Variants in SUGCT observed in about 807,000 individuals in gnomAD.
The protein encoded by SUGCT is succinyl-CoA:glutarate-CoA transferase, also known as succinyl-CoA:glutarate CoA-transferase.
SUGCT carries 41 observed loss-of-function variants against 55.0 expected under a neutral mutation model. The observed-to-expected ratio is 0.74, with a 90% CI of 0.58 to 0.97. The LOEUF (loss-of-function observed/expected upper bound fraction) is 0.97, where lower values mean the gene tolerates loss of function less well. SUGCT is among the 50% of genes least tolerant of loss of function. The pLI, the probability that SUGCT is intolerant of heterozygous loss-of-function variation, is 0.00. For synonymous variants in SUGCT, 187 were observed against 200.4 expected (o/e 0.93, Z 0.56); for missense variants, 568 against 547.8 (o/e 1.04, Z -0.37).
intron 12 of SUGCT, among the ~76,000 whole-genome samples, chr7:40,579,714 G>A (rs1330865612): frequency 6.6e-6 from 1 of 152,160 alleles, no homozygotes; most frequent in Non-Finnish European, 1.5e-5. Context: ...AAATGAAGGA[G>A]GAACTTTGTT....
chr7:40,137,009 C>G lies in SUGCT; in HGVS notation c.100+1889C>G, dbSNP rs999768392. Among the ~76,000 whole-genome samples the G allele has an allele frequency of 6.6e-5, 10 of 150,978 alleles. 1 individual carries two copies. The highest frequency in any genetic ancestry group is 2.6e-4 in the Admixed American group (4 of 15,164). Reference sequence around the variant, plus strand: ...GACCCTATCATGCCCCCCCACCCCACTGGAAAAAAAAAAGGTTCACATACA... The same window carrying G: ...GACCCTATCATGCCCCCCCACCCCAGTGGAAAAAAAAAAGGTTCACATACA... On this transcript the variant is annotated intron_variant, in intron 1 of 13. Transcript: ENST00000335693.
intron 11 of SUGCT, among the ~76,000 whole-genome samples, chr7:40,467,696 A>G (rs1273616442): frequency 6.6e-6 from 1 of 152,114 alleles, no homozygotes; most frequent in African/African-American, 2.4e-5. Context: ...TGTAATTCTT[A>G]TAAGACTCAA....
At chr7:40,367,197 T>C (rs1784031217) in intron 9 of SUGCT, among the ~76,000 whole-genome samples, 1 of 139,094 alleles carries the variant, frequency 7.2e-6, no homozygotes, top group Non-Finnish European at 1.5e-5. Context: ...TTCTCACTCA[T>C]AGGTGGGAAT....
chr7:40,195,727 T>TTTC (rs1198938980), intron 6 of SUGCT, among the ~76,000 whole-genome samples: 1 of 142,148 alleles, frequency 7.0e-6, no homozygotes, highest in East Asian at 2.0e-4. Flanking sequence ...TTTTTTTTTT[T>TTTC]TTTTTGAGAC....
At chr7:40,820,397 G>T (rs1461819863) in intron 13 of SUGCT, among the ~76,000 whole-genome samples, 1 of 152,112 alleles carries the variant, frequency 6.6e-6, no homozygotes, top group Non-Finnish European at 1.5e-5. Flanking sequence ...CTATCCATGA[G>T]CATGGAATGT....
chr7:40,136,934 G>A (rs1413632113), intron 1 of SUGCT, among the ~76,000 whole-genome samples: 2 of 151,902 alleles, frequency 1.3e-5, no homozygotes, highest in African/African-American at 4.8e-5. Context: ...GGTTGAAGCT[G>A]CAGTGATCCG....
chr7:40,698,339 C>T (rs1369792280), intron 12 of SUGCT, among the ~76,000 whole-genome samples: 1 of 152,194 alleles, frequency 6.6e-6, no homozygotes, highest in Non-Finnish European at 1.5e-5. Flanking sequence ...AAGTGTAACT[C>T]AAAAAGACGG....
intron 8 of SUGCT, among the ~76,000 whole-genome samples, chr7:40,294,928 C>T (rs540004671): frequency 7.2e-5 from 11 of 152,222 alleles, no homozygotes; most frequent in Admixed American, 2.6e-4. Flanking sequence ...AAATATGCTG[C>T]GCAAAAAGCT....
At chr7:40,969,016 C>G in the SUGCT span, among the ~76,000 whole-genome samples, 1 of 152,218 alleles carries the variant, frequency 6.6e-6, no homozygotes, top group Admixed American at 6.5e-5. Context: ...CCAGCTCCTG[C>G]TCCAGCCGGC....
intron 7 of SUGCT, among the ~76,000 whole-genome samples, chr7:40,244,347 G>A (rs1789671725): frequency 6.6e-6 from 1 of 152,160 alleles, no homozygotes; most frequent in African/African-American, 2.4e-5. Flanking sequence ...AACAAATGCA[G>A]AGAAGCAGGA....
chr7:41,024,859 T>A, the SUGCT span, among the ~76,000 whole-genome samples: 224 of 152,234 alleles, frequency 1.5e-3, 1 homozygote, highest in African/African-American at 5.1e-3. Context: ...ACGAGAACCA[T>A]ATACTCTAAT....
chr7:40,151,830 A>G (rs1282019303), intron 1 of SUGCT: 1 of 152,316 alleles, frequency 6.6e-6, no homozygotes, highest in Admixed American at 6.5e-5. Context: ...TTATTACTCC[A>G]ATCAGTTTCC....
chr7:40,776,761 C>G (rs1789472990), intron 13 of SUGCT, among the ~76,000 whole-genome samples: 1 of 152,176 alleles, frequency 6.6e-6, no homozygotes, highest in South Asian at 2.1e-4. Flanking sequence ...CATTCTGGCT[C>G]TTTTCCCTCC....
intron 12 of SUGCT, among the ~76,000 whole-genome samples, chr7:40,505,517 A>G (rs1439789208): frequency 6.6e-6 from 1 of 152,096 alleles, no homozygotes; most frequent in Non-Finnish European, 1.5e-5. Context: ...TTAAAGTAAT[A>G]TCTTTGAGTT....
chr7:40,587,549 AT>A (rs1443820311), intron 12 of SUGCT, among the ~76,000 whole-genome samples: 2 of 152,228 alleles, frequency 1.3e-5, no homozygotes, highest in Non-Finnish European at 2.9e-5. Flanking sequence ...TTAAATTTGC[AT>A]TTAACATGAG....
intron 3 of SUGCT, among the ~76,000 whole-genome samples, chr7:40,182,526 C>T (rs1785275090): frequency 6.8e-6 from 1 of 146,866 alleles, no homozygotes; most frequent in South Asian, 2.2e-4. Context: ...CATGCCACTG[C>T]ACTCCAGCCT....
At chr7:40,620,428 G>T (rs1050413257) in intron 12 of SUGCT, among the ~76,000 whole-genome samples, 1 of 151,742 alleles carries the variant, frequency 6.6e-6, no homozygotes, top group Admixed American at 6.6e-5. Context: ...TTTTGAGACA[G>T]AGTCTCGTTC....
chr7:40,761,312 C>G (rs1788521309), intron 13 of SUGCT, among the ~76,000 whole-genome samples: 1 of 152,152 alleles, frequency 6.6e-6, no homozygotes, highest in Admixed American at 6.5e-5. Context: ...GGAGACCACG[C>G]AGTGTGAAAG....
chr7:40,716,228 C>T (rs1584326637), intron 12 of SUGCT, among the ~76,000 whole-genome samples: 1 of 152,188 alleles, frequency 6.6e-6, no homozygotes, highest in Non-Finnish European at 1.5e-5. Context: ...TCCTGCCCTG[C>T]ACAATCCTCC....
Sources: allele counts gnomAD v4.1 joint callset (sites outside exome capture counted in the v4.1 genomes callset), GRCh38; gene constraint gnomAD v4.1.1; transcripts MANE v1.5; gene names NCBI Gene and HGNC (gene_info 2026-07-23, HGNC 2026-07-21).